The following RPS3 variants were observed in gnomAD, a reference collection of about 807,000 sequenced individuals.
RPS3 encodes small ribosomal subunit protein uS3.
RPS3 carries 2 observed loss-of-function variants against 25.8 expected under a neutral mutation model. That is an observed-to-expected ratio of 0.08 (90% CI 0.03 to 0.24). The LOEUF (loss-of-function observed/expected upper bound fraction) is 0.24, where lower values mean the gene tolerates loss of function less well. RPS3 is among the 10% of genes least tolerant of loss of function. The pLI, the probability that RPS3 is intolerant of heterozygous loss-of-function variation, is 1.00. For missense variants in RPS3, 107 were observed against 307.1 expected, an observed-to-expected ratio of 0.35 and a Z score of 4.87; for synonymous variants, 114 against 114.2, an observed-to-expected ratio of 1.00 and a Z score of 0.01.
intron 1 of RPS3, 172 bp from the exon 2 acceptor site, chr11:75,400,522 G>T (rs1461760221): frequency 4.5e-6 from 4 of 893,742 alleles, no homozygotes; most frequent in Non-Finnish European, 7.2e-6. Flanking sequence ...TGACTTAGAG[G>T]CATTTGTCTG....
chr11:75,403,977 GT>G, intron 4 of RPS3, 42 bp from the exon 5 acceptor site: 1 of 1,567,432 alleles, frequency 6.4e-7, no homozygotes, highest in Non-Finnish European at 8.7e-7. Context: ...CTTGGTGGAG[GT>G]CCTTGGCAAT....
At position 75,399,584 on chromosome 11, in the gene RPS3, C is replaced by A; in HGVS notation, c.30+7C>A. 1 of 1,613,024 alleles carries A rather than the reference C, an allele frequency of 6.2e-7. No homozygotes were observed. The highest frequency in any genetic ancestry group is 8.5e-7 in the Non-Finnish European group (1 of 1,179,126). ...AATATCCAAGAAGAGGAAGGTGAGC[C>A]TCTGGGGACTGGGTTCGGAGAACGA... On this transcript the variant is annotated splice_region_variant and intron_variant, in intron 1 of 6. Transcript: ENST00000531188.
chr11:75,402,720 C>T (rs1467912161), intron 4 of RPS3: 1 of 229,016 alleles, frequency 4.4e-6, no homozygotes, highest in Non-Finnish European at 8.7e-6. Flanking sequence ...AAGGAGGGGA[C>T]CAACTCCTGT....
chr11:75,401,575 T>C, intron 2 of RPS3, 65 bp from the exon 3 acceptor site: 3 of 1,099,148 alleles, frequency 2.7e-6, no homozygotes, highest in Non-Finnish European at 4.2e-6. Flanking sequence ...ACCACACATA[T>C]ATGCAAGATT....
downstream of RPS3, among the ~76,000 whole-genome samples, chr11:75,407,818 A>G (rs189911949): frequency 6.6e-6 from 1 of 152,326 alleles, no homozygotes; most frequent in Non-Finnish European, 1.5e-5. Context: ...ACTGTGCCGT[A>G]TATTAGATTA....
chr11:75,415,580 G>A (rs1337229425), intron 6 of RPS3, among the ~76,000 whole-genome samples: 1 of 152,060 alleles, frequency 6.6e-6, no homozygotes, highest in Non-Finnish European at 1.5e-5. Context: ...GGCCAAGGTG[G>A]GTGGATCACG....
intron 6 of RPS3, among the ~76,000 whole-genome samples, chr11:75,414,062 A>AC (rs1306074983): frequency 3.9e-5 from 6 of 152,120 alleles, no homozygotes; most frequent in Non-Finnish European, 5.9e-5. Context: ...CTGAGGTTTA[A>AC]AGTTGTGGGT....
intron 3 of RPS3, 120 bp from the exon 4 acceptor site, chr11:75,402,232 G>A (rs897446171): frequency 4.1e-6 from 6 of 1,458,082 alleles, no homozygotes; most frequent in East Asian, 2.3e-5. Flanking sequence ...GGCAGCATGC[G>A]GCCCGTGGGT....
chr11:75,415,235 T>C (rs563296197), intron 6 of RPS3, among the ~76,000 whole-genome samples: 2 of 152,328 alleles, frequency 1.3e-5, no homozygotes, highest in East Asian at 3.9e-4. Context: ...CCAGCACTGA[T>C]TGAGTGGGTG....
chr11:75,410,577 C>T (rs567098154), downstream of RPS3, among the ~76,000 whole-genome samples: 1 of 152,106 alleles, frequency 6.6e-6, no homozygotes, highest in Non-Finnish European at 1.5e-5. Flanking sequence ...CCTCACTTCC[C>T]AGACGGGGTG....
rs1410070449 is a variant in RPS3 at position 75,406,858 on chromosome 11, C to T, written c.*1248C>T. 6.6e-6 allele frequency: 1 copy of T among 152,180 alleles called. No individual in the cohort carries two copies. Among genetic ancestry groups the T allele is most frequent in the Non-Finnish European group, 1.5e-5 (1 of 68,036 alleles). The allele number at this position is 152,180 out of a possible 1,614,324, so 9.4% of individuals were successfully genotyped here. A position where few individuals can be genotyped will look rare whatever the true frequency, so the allele number is the denominator to read the frequency against. On this transcript the variant is annotated 3_prime_UTR_variant, in exon 7 of 7. Transcript: ENST00000531188. ...TTCTTGTACACTGCAGTTGTAACAG[C>T]TATGTAGCATGTACATTAGGTATTA...
chr11:75,404,957 C>G lies in RPS3; in HGVS notation c.*3+89C>G. 1 of 858,462 alleles carries G rather than the reference C, an allele frequency of 1.2e-6. No homozygotes were observed. The highest frequency in any genetic ancestry group is 2.8e-5 in the East Asian group (1 of 36,014). 53.2% of individuals were successfully genotyped at this position (858,462 alleles called of 1,614,324 possible). ...TACTTGTATCCCACATTCTGGTAAG[C>G]GTTTGGTGAATAAAAATTTCATTTA... On this transcript the variant is annotated intron_variant, in intron 6 of 6. Coordinates refer to ENST00000531188, the MANE Select transcript of RPS3 (RefSeq NM_001005.5). This position sits in a 1 kb window ranked among gnomAD's most constrained non-coding sequence, Gnocchi z 4.6.
chr11:75,412,136 C>T (rs1304291035), intron 6 of RPS3, among the ~76,000 whole-genome samples: 1 of 152,230 alleles, frequency 6.6e-6, no homozygotes, highest in East Asian at 1.9e-4. Flanking sequence ...TTGTACCTGG[C>T]TGTTTACACT....
At chr11:75,414,665 G>T (rs1477284272) in intron 6 of RPS3, among the ~76,000 whole-genome samples, 4 of 152,160 alleles carry the variant, frequency 2.6e-5, no homozygotes, top group African/African-American at 9.7e-5. Flanking sequence ...GAAGAGTTAG[G>T]TTCTAGTCAT....
chr11:75,403,017 T>G (rs1948234137), intron 4 of RPS3: 1 of 152,244 alleles, frequency 6.6e-6, no homozygotes, highest in Admixed American at 6.5e-5. Flanking sequence ...TGTGAGGGTC[T>G]ACTGGTAAGA....
chr11:75,401,888 C>T, intron 3 of RPS3, 155 bp downstream of exon 3: 1 of 604,582 alleles, frequency 1.7e-6, no homozygotes, highest in Non-Finnish European at 3.0e-6. Context: ...CTTTGTAAGC[C>T]TATTCTGCTA....
intron 6 of RPS3, among the ~76,000 whole-genome samples, chr11:75,418,873 A>C (rs1340760243): frequency 4.6e-5 from 7 of 151,850 alleles, no homozygotes; most frequent in African/African-American, 1.7e-4. Context: ...TATGCATCCC[A>C]CCCTCACTGG....
chr11:75,418,448 T>G (rs1025170199), intron 6 of RPS3, among the ~76,000 whole-genome samples: 1 of 152,220 alleles, frequency 6.6e-6, no homozygotes, highest in African/African-American at 2.4e-5. Flanking sequence ...AAAAGTTATT[T>G]TAAAATACAC....
At chr11:75,412,167 C>T (rs1429708665) in intron 6 of RPS3, among the ~76,000 whole-genome samples, 1 of 152,218 alleles carries the variant, frequency 6.6e-6, no homozygotes, top group African/African-American at 2.4e-5. Flanking sequence ...TTGTGACTGA[C>T]TCCAGTAGAA....
Sources: allele counts gnomAD v4.1 joint callset (sites outside exome capture counted in the v4.1 genomes callset), GRCh38; gene constraint gnomAD v4.1.1; non-coding constraint Gnocchi (gnomAD v3.1); transcripts MANE v1.5; gene names NCBI Gene and HGNC (gene_info 2026-07-23, HGNC 2026-07-21).